CHD7: variants seen among roughly 807,000 people sequenced by gnomAD.
The protein encoded by CHD7 is chromodomain helicase DNA binding protein 7, also known as ATP-dependent chromatin remodeler CHD7.
In CHD7, 24 loss-of-function variants were observed where a neutral mutation model predicts 307.3. The observed-to-expected ratio is 0.08, with a 90% CI of 0.06 to 0.11. CHD7 has a LOEUF of 0.11. CHD7 is among the 10% of genes least tolerant of loss of function. The pLI is 1.00. For synonymous variants in CHD7, 1,363 were observed against 1,349.9 expected, an observed-to-expected ratio of 1.01 and a Z score of -0.21; for missense variants, 3,106 against 3,727.1, an observed-to-expected ratio of 0.83 and a Z score of 4.34.
intron 1 of CHD7, among the ~76,000 whole-genome samples, chr8:60,729,474 T>G (rs1394712200): frequency 6.6e-6 from 1 of 152,198 alleles, no homozygotes; most frequent in Non-Finnish European, 1.5e-5. Context: ...AGGTATAGTA[T>G]GATGCAAGTA....
At chr8:60,732,756 A>G (rs1808516065) in intron 1 of CHD7, among the ~76,000 whole-genome samples, 1 of 152,236 alleles carries the variant, frequency 6.6e-6, no homozygotes, top group Non-Finnish European at 1.5e-5. Flanking sequence ...TGTAAAATAT[A>G]CATTACTCTT....
chr8:60,856,409 TC>T, intron 33 of CHD7, 35 bp from the exon 34 acceptor site: 1 of 1,560,116 alleles, frequency 6.4e-7, no homozygotes, highest in Non-Finnish European at 8.7e-7. Context: ...CTGTTTTGGC[TC>T]ACTGCAACTC....
chr8:60,769,711 A>G (rs1315544065), intron 2 of CHD7, among the ~76,000 whole-genome samples: 2 of 152,208 alleles, frequency 1.3e-5, no homozygotes, highest in South Asian at 2.1e-4. Flanking sequence ...GTGAATTTTT[A>G]CTAGTCTCTT....
At chr8:60,680,885 C>G (rs1017159889) in intron 1 of CHD7, among the ~76,000 whole-genome samples, 1 of 152,150 alleles carries the variant, frequency 6.6e-6, no homozygotes, top group African/African-American at 2.4e-5. Context: ...TAAAAAGTGT[C>G]CCTTTTGGGG....
At chr8:60,762,986 G>T (rs553766638) in intron 2 of CHD7, among the ~76,000 whole-genome samples, 18 of 152,020 alleles carry the variant, frequency 1.2e-4, no homozygotes, top group Non-Finnish European at 2.5e-4. Flanking sequence ...GGCCCCGAGG[G>T]TTGGTGGGGG....
At chr8:60,791,469 T>C (rs1339744730) in intron 3 of CHD7, among the ~76,000 whole-genome samples, 1 of 152,230 alleles carries the variant, frequency 6.6e-6, no homozygotes, top group Non-Finnish European at 1.5e-5. Context: ...TAAGGAATGT[T>C]ACTTCTTAAA....
rs1464726263 is a variant in CHD7 at position 60,752,795 on chromosome 8, A to G, written c.1665+9698A>G. Among the ~76,000 whole-genome samples, 3 of 152,230 alleles carry G rather than the reference A, an allele frequency of 2.0e-5. No individual in the cohort carries two copies. The East Asian group carries it at 5.8e-4, about 29-fold the overall frequency. On this transcript the variant is annotated intron_variant, in intron 2 of 37. Coordinates refer to ENST00000423902, the MANE Select transcript of CHD7 (RefSeq NM_017780.4). Reference sequence around the variant, plus strand: ...TTTGTTTTCACTGTTATTTTTAAAAACAAGTCTAGCATGAAGAGATACCAA... The same window carrying G: ...TTTGTTTTCACTGTTATTTTTAAAAGCAAGTCTAGCATGAAGAGATACCAA...
At chr8:60,798,625 T>C (rs1178145877) in intron 4 of CHD7, among the ~76,000 whole-genome samples, 1 of 152,170 alleles carries the variant, frequency 6.6e-6, no homozygotes, top group Non-Finnish European at 1.5e-5. Flanking sequence ...ATGTTTTGCC[T>C]CTCTCTGCCT....
chr8:60,845,098 C>A, intron 22 of CHD7, 35 bp downstream of exon 22: 1 of 1,606,316 alleles, frequency 6.2e-7, no homozygotes, highest in Non-Finnish European at 8.5e-7. Context: ...GCTACAGGGT[C>A]ACAAAGCCAC....
chr8:60,866,193 G>T lies in CHD7; in HGVS notation c.*260G>T. 3.0e-6 allele frequency: 1 copy of T among 328,196 alleles called. No homozygotes were observed. The highest frequency in any genetic ancestry group is 8.3e-5 in the South Asian group (1 of 12,038). 20.3% of individuals were successfully genotyped at this position (328,196 alleles called of 1,614,324 possible). ...GTCTTTTTAAGGAAACTTACATAAT[G>T]CTCTGCTTTTTTTTTTTCTCTTGGT... On this transcript the variant is annotated 3_prime_UTR_variant, in exon 38 of 38. Transcript: ENST00000423902.
chr8:60,756,333 A>G (rs750617277), intron 2 of CHD7, among the ~76,000 whole-genome samples: 3 of 152,230 alleles, frequency 2.0e-5, no homozygotes, highest in Admixed American at 6.5e-5. Flanking sequence ...ATAGTCATCT[A>G]TACATGGTAA....
intron 1 of CHD7, among the ~76,000 whole-genome samples, chr8:60,739,393 CTTAG>C (rs1808875911): frequency 6.6e-6 from 1 of 152,172 alleles, no homozygotes; most frequent in Non-Finnish European, 1.5e-5. Flanking sequence ...GCTTAGCCTT[CTTAG>C]GAGTGTATTT....
chr8:60,812,274 A>T (rs1812847911), intron 7 of CHD7, among the ~76,000 whole-genome samples: 1 of 152,180 alleles, frequency 6.6e-6, no homozygotes, highest in South Asian at 2.1e-4. Flanking sequence ...TTATCTATTT[A>T]GGTGCCTGAT....
In CHD7 at chr8:60,798,807, C is replaced by T. The variant is rs116450310; in HGVS notation, c.2239-1581C>T. ...AATTCATTAGCAGCTTAAAACTTTACATGTGTCATTTTCAAATTTAGATTT... is the reference window on the plus strand; with the variant it reads ...AATTCATTAGCAGCTTAAAACTTTATATGTGTCATTTTCAAATTTAGATTT... On this transcript the variant is annotated intron_variant, in intron 4 of 37. Transcript: ENST00000423902. Among the ~76,000 whole-genome samples, 736 of 152,308 alleles carry T rather than the reference C, an allele frequency of 4.8e-3. 10 individuals carry two copies. Among genetic ancestry groups the T allele is most frequent in the African/African-American group, 0.016 (683 of 41,572 alleles).
At position 60,865,825 on chromosome 8, in the gene CHD7, G is replaced by A; in HGVS notation, c.8886G>A (p.Leu2962=). 7 of 1,613,834 alleles carry A rather than the reference G, an allele frequency of 4.3e-6. No individual in the cohort carries two copies. The highest frequency in any genetic ancestry group is 5.9e-6 in the Non-Finnish European group (7 of 1,179,816). ...AAGGCAGCGATGCCGAGGAGAGCCT[G>A]GATAAGACTGCAGAGTCCTCCCTCT... ...TLEGSDAEES[L]DKTAESSLLE... The change falls in exon 38 of 38, where the codon CTG becomes CTA. Residue 2962 remains leucine (L), a synonymous_variant. Transcript: ENST00000423902. This position sits in a 1 kb window ranked among gnomAD's most constrained non-coding sequence, Gnocchi z 4.3.
chr8:60,843,440 G>A (rs1240777086), intron 21 of CHD7, among the ~76,000 whole-genome samples: 7 of 152,216 alleles, frequency 4.6e-5, no homozygotes, highest in African/African-American at 1.2e-4. Flanking sequence ...TGTGCTTAGC[G>A]CAGATTGTCT....
At chr8:60,749,397 A>G (rs149624449) in intron 2 of CHD7, among the ~76,000 whole-genome samples, 4,072 of 146,874 alleles carry the variant, frequency 0.028, 140 homozygotes, top group African/African-American at 0.071. Context: ...AAAAAAAAGG[A>G]ATTACAAATT....
rs774653242 is a variant in CHD7, at chr8:60,794,967, G to GA, written c.2097-18dup. The GA allele has an allele frequency of 6.2e-7, 1 of 1,607,256 alleles. No homozygotes were observed. The highest frequency in any genetic ancestry group is 1.7e-5 in the Admixed American group (1 of 59,080). ...AACACATTAAAAGTGAACACTAAGC[G>GA]ATCCACTTTGAATTCTAGTAATAAG... On this transcript the variant is annotated intron_variant, in intron 3 of 37. Coordinates refer to ENST00000423902, the MANE Select transcript of CHD7 (RefSeq NM_017780.4).
In CHD7 at chr8:60,867,948, A is replaced by C. The variant is rs1233396374; in HGVS notation, c.*2015A>C. ...ACTAGGTCTGCATGAAGTATAGGAA[A>C]TTTAAGTATTTAAGTAACAAAGATG... On this transcript the variant is annotated 3_prime_UTR_variant, in exon 38 of 38. Coordinates refer to ENST00000423902, the MANE Select transcript of CHD7 (RefSeq NM_017780.4). The C allele has an allele frequency of 6.6e-6, 1 of 151,836 alleles. No homozygotes were observed. The highest frequency in any genetic ancestry group is 1.5e-5 in the Non-Finnish European group (1 of 68,042). 9.4% of individuals were successfully genotyped at this position (151,836 alleles called of 1,614,324 possible).
Sources: allele counts gnomAD v4.1 joint callset (sites outside exome capture counted in the v4.1 genomes callset), GRCh38; gene constraint gnomAD v4.1.1; non-coding constraint Gnocchi (gnomAD v3.1); transcripts MANE v1.5; gene names NCBI Gene and HGNC (gene_info 2026-07-23, HGNC 2026-07-21).